LMTK3: variants seen among roughly 807,000 people sequenced by gnomAD.
The protein encoded by LMTK3 is lemur tail kinase 3.
LMTK3 carries 27 observed loss-of-function variants against 116.7 expected under a neutral mutation model. That is an observed-to-expected ratio of 0.23 (90% CI 0.17 to 0.32). The LOEUF is 0.32. LMTK3 is among the 10% of genes least tolerant of loss of function. The pLI, the probability that LMTK3 is intolerant of heterozygous loss-of-function variation, is 1.00. For synonymous variants in LMTK3, 965 were observed against 971.0 expected (o/e 0.99, Z 0.11); for missense variants, 1,764 against 2,068.5 (o/e 0.85, Z 2.86).
rs1227118254 is a variant in LMTK3 at position 48,510,121 on chromosome 19, G to A, written c.263C>T (p.Ala88Val). Residue 88 changes from alanine to valine, a missense_variant, in exon 3 of 15, where the codon GCG becomes GTG. Coordinates refer to ENST00000600059, the MANE Select transcript of LMTK3 (RefSeq NM_001388485.1). Reference sequence around the variant, plus strand: ...CGACTGTGAGGAGGAGGTCTCCTCCGCAGGGGGAGTGTACTCCCCGGAGCA... The same window carrying A: ...CGACTGTGAGGAGGAGGTCTCCTCCACAGGGGGAGTGTACTCCCCGGAGCA... ...EDCSGEYTPP[A>V]EETSSSQSLP... The A allele has an allele frequency of 3.1e-6, 5 of 1,613,442 alleles. No homozygotes were observed. Among genetic ancestry groups the A allele is most frequent in the East Asian group, 4.5e-5 (2 of 44,878 alleles).
intron 12 of LMTK3, 76 bp downstream of exon 12, chr19:48,493,618 C>A: frequency 6.8e-7 from 1 of 1,477,092 alleles, no homozygotes; most frequent in Non-Finnish European, 9.0e-7. Flanking sequence ...CGGCCTCCCG[C>A]CAGGCCCTTC....
At chr19:48,504,346 C>A (rs1972526774) in intron 5 of LMTK3, among the ~76,000 whole-genome samples, 1 of 152,142 alleles carries the variant, frequency 6.6e-6, no homozygotes, top group African/African-American at 2.4e-5. Context: ...GGGGTTTGAA[C>A]CCTGACTCCC....
At position 48,485,681 on chromosome 19, in the gene LMTK3, G is replaced by A. The variant is rs1014664338; in HGVS notation, c.*92C>T. The A allele has an allele frequency of 1.8e-4, 248 of 1,412,184 alleles. No individual in the cohort carries two copies. Among genetic ancestry groups the A allele is most frequent in the Non-Finnish European group, 2.3e-4 (237 of 1,018,356 alleles). 87.5% of individuals were successfully genotyped at this position (1,412,184 alleles called of 1,614,324 possible). A position where few individuals can be genotyped will look rare whatever the true frequency, so the allele number is the denominator to read the frequency against. On this transcript the variant is annotated 3_prime_UTR_variant, in exon 15 of 15. Transcript: ENST00000600059. ...CCTCGGGGGCCTCCCCAGAGGCGGC[G>A]TCTGCGGTGGTGGCAGTGGCGCCGT...
In LMTK3 at chr19:48,494,116, G is replaced by A; in HGVS notation, c.3677-7C>T. On this transcript the variant is annotated splice_region_variant and splice_polypyrimidine_tract_variant and intron_variant, in intron 11 of 14. Coordinates refer to ENST00000600059, the MANE Select transcript of LMTK3 (RefSeq NM_001388485.1). This position sits in a 1 kb window ranked among gnomAD's most constrained non-coding sequence, Gnocchi z 4.0. Reference sequence around the variant, plus strand: ...GAGAGCCGGGAGAGCCTGGCTGCGAGGGGAGAGACCTGGTGAGCCCCTGTC... The same window carrying A: ...GAGAGCCGGGAGAGCCTGGCTGCGAAGGGAGAGACCTGGTGAGCCCCTGTC... The A allele has an allele frequency of 8.4e-7, 1 of 1,197,304 alleles. No homozygotes were observed. The highest frequency in any genetic ancestry group is 1.0e-6 in the Non-Finnish European group (1 of 964,154). The allele number at this position is 1,197,304 out of a possible 1,614,324, so 74.2% of individuals were successfully genotyped here.
At chr19:48,486,123 G>C (rs1209464466) in intron 14 of LMTK3, among the ~76,000 whole-genome samples, 2 of 124,166 alleles carry the variant, frequency 1.6e-5, no homozygotes, top group Non-Finnish European at 3.2e-5. Context: ...GCAGTGGCGC[G>C]ATCTCGGCTC....
intron 14 of LMTK3, among the ~76,000 whole-genome samples, chr19:48,486,217 G>A (rs1036276803): frequency 1.3e-5 from 2 of 149,932 alleles, no homozygotes; most frequent in Non-Finnish European, 3.0e-5. Context: ...CCGCCACTAC[G>A]CCCGGCTAAT....
chr19:48,491,392 G>A lies in LMTK3; in HGVS notation c.4228+12C>T, dbSNP rs996027123. On this transcript the variant is annotated intron_variant, in intron 13 of 14. Coordinates refer to ENST00000600059, the MANE Select transcript of LMTK3 (RefSeq NM_001388485.1). The surrounding 1 kb of genome is among the most constrained non-coding windows in gnomAD (Gnocchi z 5.1). ...CTCCCGCCCCCTCCCGCCCCATAGG[G>A]CCCGTCCTCACCAAAGCCGCTGTCG... 2 of 1,399,524 alleles carry A rather than the reference G, an allele frequency of 1.4e-6. No individual in the cohort carries two copies. The highest frequency in any genetic ancestry group is 1.9e-6 in the Non-Finnish European group (2 of 1,076,730). 86.7% of individuals were successfully genotyped at this position (1,399,524 alleles called of 1,614,324 possible). A position where few individuals can be genotyped will look rare whatever the true frequency, so the allele number is the denominator to read the frequency against.
At chr19:48,510,644 G>A (rs1371827041) in intron 1 of LMTK3, 52 bp from the exon 2 acceptor site, 14 of 1,490,220 alleles carry the variant, frequency 9.4e-6, no homozygotes, top group Non-Finnish European at 1.2e-5. Context: ...CTGGATACCG[G>A]AATCATGCCC....
In LMTK3 at chr19:48,485,662, G is replaced by A. The variant is rs1191110950; in HGVS notation, c.*111C>T. ...TGGGAGGGGGAGGGCCCAGCCTCGG[G>A]GGCCTCCCCAGAGGCGGCGTCTGCG... On this transcript the variant is annotated 3_prime_UTR_variant, in exon 15 of 15. Coordinates refer to ENST00000600059, the MANE Select transcript of LMTK3 (RefSeq NM_001388485.1). 2.4e-6 allele frequency: 3 copies of A among 1,236,502 alleles called. No homozygotes were observed. The highest frequency in any genetic ancestry group is 3.5e-6 in the Non-Finnish European group (3 of 865,750). 76.6% of individuals were successfully genotyped at this position (1,236,502 alleles called of 1,614,324 possible). A position where few individuals can be genotyped will look rare whatever the true frequency, so the allele number is the denominator to read the frequency against.
intron 14 of LMTK3, among the ~76,000 whole-genome samples, chr19:48,486,113 G>A (rs1972119462): frequency 8.2e-6 from 1 of 122,532 alleles, no homozygotes; most frequent in Non-Finnish European, 1.6e-5. Flanking sequence ...AGGCTGGAGT[G>A]CAGTGGCGCG....
At chr19:48,486,364 G>A (rs1372649001) in intron 14 of LMTK3, among the ~76,000 whole-genome samples, 1 of 150,902 alleles carries the variant, frequency 6.6e-6, no homozygotes, top group African/African-American at 2.4e-5. Context: ...CGGCCTTTTG[G>A]AACATTCTTC....
chr19:48,508,841 C>A lies in LMTK3; in HGVS notation c.557+10G>T, dbSNP rs1247280394. ...AACAAGGCACACACCCACTGAGAAA[C>A]CCTCAGTACCTGTACGGCTGTGCTT... On this transcript the variant is annotated intron_variant, in intron 5 of 14. Coordinates refer to ENST00000600059, the MANE Select transcript of LMTK3 (RefSeq NM_001388485.1). 6.3e-7 allele frequency: 1 copy of A among 1,599,940 alleles called. No individual in the cohort carries two copies. The highest frequency in any genetic ancestry group is 1.3e-5 in the African/African-American group (1 of 74,782).
chr19:48,503,853 TCCTC>T (rs888825253), intron 5 of LMTK3, among the ~76,000 whole-genome samples: 6 of 150,678 alleles, frequency 4.0e-5, no homozygotes, highest in East Asian at 2.0e-4. Flanking sequence ...CTTCCTTCCT[TCCTC>T]CCTCCCTCCC....
At chr19:48,493,579 T>A in intron 12 of LMTK3, 115 bp downstream of exon 12, 2 of 791,270 alleles carry the variant, frequency 2.5e-6, no homozygotes, top group Non-Finnish European at 3.1e-6. Flanking sequence ...CAGCTCCGCC[T>A]CCCTCCAGGC....
intron 14 of LMTK3, among the ~76,000 whole-genome samples, chr19:48,489,751 C>T (rs546436187): frequency 2.0e-5 from 3 of 152,302 alleles, no homozygotes; most frequent in East Asian, 3.9e-4. Context: ...AGAGGGAAAG[C>T]GACTTGCCCC....
rs1231106255 is a variant in LMTK3, at chr19:48,498,718, G to A, written c.2351C>T (p.Ser784Leu). 2 of 1,532,620 alleles carry A rather than the reference G, an allele frequency of 1.3e-6. No homozygotes were observed. The highest frequency in any genetic ancestry group is 1.4e-5 in the African/African-American group (1 of 72,788). The allele number at this position is 1,532,620 out of a possible 1,614,324, so 94.9% of individuals were successfully genotyped here. A position where few individuals can be genotyped will look rare whatever the true frequency, so the allele number is the denominator to read the frequency against. ...SAVASPGSGL[S>L]SPGPKPGDSG... ...GTCCCCCGGCTTGGGGCCCGGCGAC[G>A]AGAGGCCTGAACCGGGACTGGCCAC... Residue 784 changes from serine to leucine, a missense_variant, in exon 11 of 15, where the codon TCG becomes TTG. Transcript: ENST00000600059.
At chr19:48,503,083 T>C in intron 5 of LMTK3, 87 bp from the exon 6 acceptor site, 1 of 777,296 alleles carries the variant, frequency 1.3e-6, no homozygotes, top group Admixed American at 2.2e-5. Context: ...AACTGCTGCC[T>C]CCACCCTTTT....
chr19:48,505,938 C>T (rs1248088393), intron 5 of LMTK3, among the ~76,000 whole-genome samples: 9 of 150,042 alleles, frequency 6.0e-5, no homozygotes, highest in African/African-American at 1.5e-4. Context: ...GTCAGGAGTT[C>T]GAGACCAGCC....
At position 48,491,345 on chromosome 19, in the gene LMTK3, C is replaced by A. The variant is rs948866832; in HGVS notation, c.4228+59G>T. On this transcript the variant is annotated intron_variant, in intron 13 of 14. Coordinates refer to ENST00000600059, the MANE Select transcript of LMTK3 (RefSeq NM_001388485.1). The surrounding 1 kb of genome is among the most constrained non-coding windows in gnomAD (Gnocchi z 5.1). ...GACCAAGCCCCTCCCACCCCATAGA[C>A]CCCGCCCCGTCCGCCCCATGGCTCC... The A allele has an allele frequency of 3.1e-6, 3 of 956,836 alleles. No homozygotes were observed. The allele number at this position is 956,836 out of a possible 1,614,324, so 59.3% of individuals were successfully genotyped here.
Sources: allele counts gnomAD v4.1 joint callset (sites outside exome capture counted in the v4.1 genomes callset), GRCh38; gene constraint gnomAD v4.1.1; non-coding constraint Gnocchi (gnomAD v3.1); transcripts MANE v1.5; gene names NCBI Gene and HGNC (gene_info 2026-07-23, HGNC 2026-07-21).